Variants in TBC1D12 observed in about 807,000 individuals in gnomAD.
TBC1D12 encodes TBC1 domain family member 12, also known as TBC1 domain family, member 12.
A neutral mutation model predicts 86.7 loss-of-function variants in TBC1D12; 56 were observed. That is an observed-to-expected ratio of 0.65 (90% confidence interval 0.52 to 0.81). The LOEUF (loss-of-function observed/expected upper bound fraction) is 0.81, where lower values mean the gene tolerates loss of function less well. Ranked by LOEUF, TBC1D12 falls within the 30% of genes least tolerant of loss-of-function variation. The pLI, the probability that TBC1D12 is intolerant of heterozygous loss-of-function variation, is 0.00. For missense variants in TBC1D12, 1,023 were observed against 1,038.8 expected, an observed-to-expected ratio of 0.98 and a Z score of 0.21; for synonymous variants, 421 against 411.7, an observed-to-expected ratio of 1.02 and a Z score of -0.27.
chr10:94,533,049 G>T lies in TBC1D12; in HGVS notation c.2281G>T (p.Asp761Tyr). ...WTQVFASVMK[D>Y]IKEGDKNSSP... ...TCAGGTCTTTGCATCTGTAATGAAG[G>T]ATATTAAAGAAGGAGACAAGAACAG... Residue 761 changes from aspartate (D) to tyrosine (Y), a missense_variant, in exon 13 of 13, where the codon GAT (aspartate) becomes TAT (tyrosine). Around this residue, in one of 2 missense-constraint regions of TBC1D12, gnomAD observed 395 missense variants for 507.7 expected, o/e 0.78. Coordinates refer to ENST00000225235, the MANE Select transcript of TBC1D12 (RefSeq NM_015188.2). The T allele has an allele frequency of 6.3e-7, 1 of 1,588,570 alleles. No homozygotes were observed. Among genetic ancestry groups the T allele is most frequent in the South Asian group, 1.1e-5 (1 of 87,426 alleles).
chr10:94,509,839 G>T, intron 7 of TBC1D12: 1 of 379,682 alleles, frequency 2.6e-6, no homozygotes, highest in Non-Finnish European at 4.6e-6. Context: ...GGAAATGATG[G>T]TCTGCCCATA....
At chr10:94,509,986 G>A in intron 7 of TBC1D12, 105 bp from the exon 8 acceptor site, 2 of 751,124 alleles carry the variant, frequency 2.7e-6, no homozygotes, top group Non-Finnish European at 4.4e-6. Context: ...TGATTATTCA[G>A]CTTTTAACTT....
intron 8 of TBC1D12, among the ~76,000 whole-genome samples, chr10:94,511,074 G>A (rs899414102): frequency 3.3e-5 from 4 of 121,778 alleles, no homozygotes; most frequent in Admixed American, 2.4e-4. Flanking sequence ...TGTTGTTGTT[G>A]TTATTTAGTA....
At chr10:94,503,168 A>G (rs772095763) in intron 6 of TBC1D12, among the ~76,000 whole-genome samples, 2 of 152,220 alleles carry the variant, frequency 1.3e-5, no homozygotes, top group Non-Finnish European at 2.9e-5. Flanking sequence ...TGGCTGTACT[A>G]TAATTTATTT....
intron 1 of TBC1D12, among the ~76,000 whole-genome samples, chr10:94,412,851 T>C (rs1363975222): frequency 6.6e-6 from 1 of 152,190 alleles, no homozygotes. Context: ...GATAGTTGCT[T>C]GGACCCTACT....
In TBC1D12 at chr10:94,474,128, T is replaced by G. The variant is rs114988006; in HGVS notation, c.1096-540T>G. On this transcript the variant is annotated intron_variant, in intron 2 of 12. Coordinates refer to ENST00000225235, the MANE Select transcript of TBC1D12 (RefSeq NM_015188.2). ...CATTATCTATATCTTGTCTCAACATTTTAATCACTGATCTAACTGAAAGTT... is the reference window on the plus strand; with the variant it reads ...CATTATCTATATCTTGTCTCAACATGTTAATCACTGATCTAACTGAAAGTT... Among the ~76,000 whole-genome samples the G allele has an allele frequency of 7.6e-3, 1,158 of 152,260 alleles. 16 individuals carry two copies. The highest frequency in any genetic ancestry group is 0.027 in the African/African-American group (1,108 of 41,546).
Position 94,510,096 on chromosome 10 carries a change from T to C in TBC1D12, c.1606T>C (p.Ser536Pro), listed in dbSNP as rs1159697283. Residue 536 changes from serine to proline, a missense_variant, in exon 8 of 13, where the codon TCT becomes CCT. Around this residue, in one of 2 missense-constraint regions of TBC1D12, gnomAD observed 395 missense variants for 507.7 expected, o/e 0.78. Coordinates refer to ENST00000225235, the MANE Select transcript of TBC1D12 (RefSeq NM_015188.2). The part of the protein sequence containing the change: ...TSSENDTEGV[S>P]VADREASLEL... ...TATCTGCTTGGTAAATGCAGGTGTA[T>C]CTGTTGCTGATCGAGAGGCCAGTCT... The C allele has an allele frequency of 6.2e-7, 1 of 1,608,320 alleles. No individual in the cohort carries two copies. Among genetic ancestry groups the C allele is most frequent in the Non-Finnish European group, 8.5e-7 (1 of 1,178,258 alleles).
chr10:94,516,937 A>G (rs1842007758), intron 9 of TBC1D12, among the ~76,000 whole-genome samples: 1 of 151,942 alleles, frequency 6.6e-6, no homozygotes, highest in South Asian at 2.1e-4. Flanking sequence ...GTTTTGAGAC[A>G]AGGTTTCACT....
rs369202620 is a variant in TBC1D12 at position 94,500,340 on chromosome 10, C to T, written c.1519+13C>T. On this transcript the variant is annotated intron_variant, in intron 6 of 12. Coordinates refer to ENST00000225235, the MANE Select transcript of TBC1D12 (RefSeq NM_015188.2). ...AATATCACTCCTGGTTTGTATTCTACGTTCAGTTATTCCCACATGTACAAA... is the reference window on the plus strand; with the variant it reads ...AATATCACTCCTGGTTTGTATTCTATGTTCAGTTATTCCCACATGTACAAA... 1.2e-5 allele frequency: 19 copies of T among 1,605,862 alleles called. No homozygotes were observed. Among genetic ancestry groups the T allele is most frequent in the Middle Eastern group, 1.7e-4 (1 of 6,048 alleles).
chr10:94,481,143 T>G (rs1278603455), intron 3 of TBC1D12, among the ~76,000 whole-genome samples: 1 of 151,886 alleles, frequency 6.6e-6, no homozygotes, highest in African/African-American at 2.4e-5. Flanking sequence ...CAGGCTTTAT[T>G]GAGCACAGGT....
chr10:94,492,612 CTG>C (rs2056260895), intron 3 of TBC1D12, among the ~76,000 whole-genome samples: 1 of 152,148 alleles, frequency 6.6e-6, no homozygotes, highest in Admixed American at 6.5e-5. Flanking sequence ...ATTTTCAAAA[CTG>C]TGCTGAGCAA....
At chr10:94,493,821 A>G (rs1479811570) in intron 4 of TBC1D12, among the ~76,000 whole-genome samples, 2 of 152,110 alleles carry the variant, frequency 1.3e-5, no homozygotes, top group African/African-American at 4.8e-5. Flanking sequence ...GAGGAATAAA[A>G]TGACATACCA....
At chr10:94,409,117 C>G (rs1564933531) in intron 1 of TBC1D12, among the ~76,000 whole-genome samples, 1 of 152,036 alleles carries the variant, frequency 6.6e-6, no homozygotes, top group Non-Finnish European at 1.5e-5. Flanking sequence ...CACTCCTTCC[C>G]CTACCTCAGA....
intron 1 of TBC1D12, 36 bp downstream of exon 1, chr10:94,403,620 C>T (rs1387104189): frequency 7.9e-6 from 11 of 1,392,300 alleles, no homozygotes; most frequent in South Asian, 1.7e-5. Flanking sequence ...GGGGCGGGTC[C>T]GGGGCCGGGG....
chr10:94,465,892 A>G (rs1482576453), intron 2 of TBC1D12, among the ~76,000 whole-genome samples: 1 of 150,968 alleles, frequency 6.6e-6, no homozygotes, highest in Non-Finnish European at 1.5e-5. Context: ...ATGTATATAC[A>G]TACATACGCA....
At chr10:94,417,223 C>A (rs1009886982) in intron 1 of TBC1D12, among the ~76,000 whole-genome samples, 2 of 152,034 alleles carry the variant, frequency 1.3e-5, no homozygotes, top group African/African-American at 4.8e-5. Context: ...CTCCTTTTCA[C>A]AATGTGATAT....
At chr10:94,425,275 T>C (rs963662002) in intron 1 of TBC1D12, among the ~76,000 whole-genome samples, 3 of 152,188 alleles carry the variant, frequency 2.0e-5, no homozygotes, top group Non-Finnish European at 4.4e-5. Flanking sequence ...TTTTTTGGCG[T>C]GATGGAAGTG....
intron 3 of TBC1D12, among the ~76,000 whole-genome samples, chr10:94,488,851 T>C (rs1311070046): frequency 2.0e-5 from 3 of 152,102 alleles, no homozygotes; most frequent in Non-Finnish European, 4.4e-5. Context: ...CCTATCCTAC[T>C]GTGGCTGAGC....
intron 2 of TBC1D12, among the ~76,000 whole-genome samples, chr10:94,444,910 T>C (rs1281375672): frequency 6.7e-6 from 1 of 150,048 alleles, no homozygotes; most frequent in Non-Finnish European, 1.5e-5. Context: ...TTTTTTGTAT[T>C]TTTAGTAGAG....
Sources: gnomAD v4.1 joint callset for allele counts (sites outside exome capture counted in the v4.1 genomes callset) on GRCh38, gnomAD v4.1.1 for gene constraint, gnomAD v4.1.1 regional missense constraint, MANE v1.5 for transcripts, NCBI Gene and HGNC (gene_info 2026-07-23, HGNC 2026-07-21) for gene names.